The following PHF14 variants were observed in gnomAD, a reference collection of about 807,000 sequenced individuals.
PHF14 encodes PHD finger protein 14.
Under a neutral mutation model 117.9 loss-of-function variants are expected in PHF14, and 55 were observed. The observed-to-expected ratio is 0.47, with a 90% CI of 0.38 to 0.58. The LOEUF (loss-of-function observed/expected upper bound fraction) is 0.58. Ranked by LOEUF, PHF14 falls within the 20% of genes least tolerant of loss-of-function variation. PHF14 has a pLI of 0.00. For synonymous variants in PHF14, 409 were observed against 368.6 expected (o/e 1.11, Z -1.26); for missense variants, 978 against 1,122.2 (o/e 0.87, Z 1.84).
chr7:11,010,959 T>C (rs1037539838), intron 4 of PHF14, among the ~76,000 whole-genome samples: 1 of 152,222 alleles, frequency 6.6e-6, no homozygotes, highest in Admixed American at 6.5e-5. Flanking sequence ...TTGGCTGACT[T>C]TCAGATTTTA....
chr7:11,021,225 C>T (rs955664458), intron 5 of PHF14, among the ~76,000 whole-genome samples: 2 of 152,130 alleles, frequency 1.3e-5, no homozygotes, highest in African/African-American at 2.4e-5. Context: ...TGCTTATTTC[C>T]TGTTCCTTTC....
intron 13 of PHF14, among the ~76,000 whole-genome samples, chr7:11,050,685 A>T (rs1784827717): frequency 6.6e-6 from 1 of 152,190 alleles, no homozygotes; most frequent in South Asian, 2.1e-4. Context: ...TATTATAAAA[A>T]GTTCTGTTGG....
intron 17 of PHF14, among the ~76,000 whole-genome samples, chr7:11,123,294 A>G (rs1041684332): frequency 2.0e-5 from 3 of 152,190 alleles, no homozygotes; most frequent in Non-Finnish European, 2.9e-5. Flanking sequence ...GATTAAGACA[A>G]TATAGCAATA....
At chr7:11,120,605 C>G (rs1173570944) in intron 17 of PHF14, among the ~76,000 whole-genome samples, 1 of 151,874 alleles carries the variant, frequency 6.6e-6, no homozygotes, top group Non-Finnish European at 1.5e-5. Flanking sequence ...ATTTTTAAAC[C>G]ATGGCATTCA....
At chr7:11,119,973 A>C (rs1191060321) in intron 17 of PHF14, among the ~76,000 whole-genome samples, 4 of 151,940 alleles carry the variant, frequency 2.6e-5, no homozygotes, top group Non-Finnish European at 5.9e-5. Flanking sequence ...ATTGCCTTTT[A>C]ATATATTCAT....
intron 5 of PHF14, among the ~76,000 whole-genome samples, chr7:11,019,293 A>G (rs1783642820): frequency 6.6e-6 from 1 of 152,128 alleles, no homozygotes; most frequent in Non-Finnish European, 1.5e-5. Context: ...TTTTTGGAAT[A>G]GTTTGAGTAA....
chr7:11,090,066 TG>T (rs572556065), intron 16 of PHF14, among the ~76,000 whole-genome samples: 5 of 152,334 alleles, frequency 3.3e-5, no homozygotes, highest in Admixed American at 3.3e-4. Context: ...CCACCTCACT[TG>T]GCCTGTTCAT....
intron 16 of PHF14, among the ~76,000 whole-genome samples, chr7:11,089,928 C>T (rs1047687610): frequency 1.3e-5 from 2 of 152,056 alleles, no homozygotes; most frequent in Admixed American, 6.6e-5. Context: ...TGTGCCGTCA[C>T]GACCGGCTAA....
At chr7:11,163,334 A>C (rs1466513943) in intron 17 of PHF14, among the ~76,000 whole-genome samples, 1 of 152,176 alleles carries the variant, frequency 6.6e-6, no homozygotes, top group Non-Finnish European at 1.5e-5. Flanking sequence ...ATTTCTTGTA[A>C]GTTCATTTCA....
chr7:10,983,188 T>A, intron 3 of PHF14, 29 bp downstream of exon 3: 1 of 1,555,706 alleles, frequency 6.4e-7, no homozygotes, highest in Non-Finnish European at 8.6e-7. Flanking sequence ...TATATCTGTC[T>A]GTCTGGGGAA....
chr7:11,141,832 A>AT (rs893326585), intron 17 of PHF14, among the ~76,000 whole-genome samples: 1 of 151,852 alleles, frequency 6.6e-6, no homozygotes, highest in Admixed American at 6.6e-5. Flanking sequence ...ATTGATATAG[A>AT]TTTTTTTATT....
intron 6 of PHF14, among the ~76,000 whole-genome samples, chr7:11,024,063 A>G (rs528269287): frequency 9.8e-5 from 15 of 152,372 alleles, no homozygotes; most frequent in Non-Finnish European, 1.6e-4. Flanking sequence ...GTGCTACTCC[A>G]GCAAACACAT....
At chr7:11,089,933 G>A (rs115052574) in intron 16 of PHF14, among the ~76,000 whole-genome samples, 2,595 of 152,078 alleles carry the variant, frequency 0.017, 74 homozygotes, top group East Asian at 0.12. Context: ...CGTCACGACC[G>A]GCTAATTTTG....
At chr7:11,020,790 A>C (rs1313951306) in intron 5 of PHF14, among the ~76,000 whole-genome samples, 1 of 152,086 alleles carries the variant, frequency 6.6e-6, no homozygotes, top group African/African-American at 2.4e-5. Context: ...CCAATTCTTC[A>C]TATGTAAATG....
At chr7:10,991,487 C>G (rs10273598) in intron 4 of PHF14, among the ~76,000 whole-genome samples, 1 of 151,762 alleles carries the variant, frequency 6.6e-6, no homozygotes, top group African/African-American at 2.4e-5. Context: ...TTTTTGTGTT[C>G]TTAGTAGAGA....
At chr7:11,095,909 C>T (rs1786836760) in intron 16 of PHF14, among the ~76,000 whole-genome samples, 1 of 151,738 alleles carries the variant, frequency 6.6e-6, no homozygotes, top group Non-Finnish European at 1.5e-5. Context: ...TAGTTGTTCT[C>T]TAGTCAGGGG....
chr7:11,007,092 G>C (rs1383728241), intron 4 of PHF14, among the ~76,000 whole-genome samples: 1 of 151,836 alleles, frequency 6.6e-6, no homozygotes, highest in African/African-American at 2.4e-5. Context: ...CAGGAGAATC[G>C]CTTGAACCCA....
chr7:11,083,443 T>C lies in PHF14; in HGVS notation c.2654+21358T>C, dbSNP rs141760123. ...TGGAAAGCCACAGGAAGTTGCCACA[T>C]AGAAATATTCTGCTTTCCCTATTTT... On this transcript the variant is annotated intron_variant, in intron 16 of 17. Coordinates refer to ENST00000634607, the MANE Select transcript of PHF14 (RefSeq NM_001007157.2). 2.7e-3 allele frequency among the ~76,000 whole-genome samples: 406 copies of C among 150,460 alleles called. 2 individuals are homozygous for C. Among genetic ancestry groups the C allele is most frequent in the African/African-American group, 9.4e-3 (386 of 40,864 alleles).
chr7:11,065,532 TATA>T (rs1191203278), intron 16 of PHF14, among the ~76,000 whole-genome samples: 33 of 152,280 alleles, frequency 2.2e-4, no homozygotes, highest in African/African-American at 7.7e-4. Context: ...AGTCACAAAA[TATA>T]ATGTTTGATG....
Sources: gnomAD v4.1 joint callset for allele counts (sites outside exome capture counted in the v4.1 genomes callset) on GRCh38, gnomAD v4.1.1 for gene constraint, MANE v1.5 for transcripts, NCBI Gene and HGNC (gene_info 2026-07-23, HGNC 2026-07-21) for gene names.